PPCDC: variants seen among roughly 807,000 people sequenced by gnomAD.
The protein encoded by PPCDC is phosphopantothenoylcysteine decarboxylase.
Under a neutral mutation model 20.7 loss-of-function variants are expected in PPCDC, and 20 were observed. The observed-to-expected ratio is 0.97, with a 90% CI of 0.68 to 1.41. PPCDC has a LOEUF of 1.41. PPCDC is among the 40% of genes most tolerant of loss of function. The pLI is 0.00. For missense variants in PPCDC, 246 were observed against 263.8 expected (o/e 0.93, Z 0.47); for synonymous variants, 88 against 100.3 (o/e 0.88, Z 0.73).
rs748331709 is a variant in PPCDC, at chr15:75,049,101, G to T, written c.530-49G>T. 1.1e-5 allele frequency: 16 copies of T among 1,522,580 alleles called. No homozygotes were observed. The African/African-American group carries it at 1.9e-4, about 18-fold the overall frequency. The allele number at this position is 1,522,580 out of a possible 1,614,324, so 94.3% of individuals were successfully genotyped here. A position where few individuals can be genotyped will look rare whatever the true frequency, so the allele number is the denominator to read the frequency against. ...GGAGCAATGGGCAGGGGTCTGCAGG[G>T]CTACAGGCACTGTTGGCCTGTCTGG... On this transcript the variant is annotated intron_variant, in intron 5 of 5. Transcript: ENST00000342932.
chr15:75,045,335 C>T (rs999613343), intron 4 of PPCDC, among the ~76,000 whole-genome samples: 2 of 152,184 alleles, frequency 1.3e-5, no homozygotes, highest in Non-Finnish European at 1.5e-5. Flanking sequence ...TCACCCATGC[C>T]GTTGGGAAGG....
chr15:75,024,464 C>T (rs894062657), intron 1 of PPCDC, among the ~76,000 whole-genome samples: 3 of 151,810 alleles, frequency 2.0e-5, no homozygotes, highest in Non-Finnish European at 2.9e-5. Flanking sequence ...CCTCCTGCCT[C>T]AGCCTCCTGT....
chr15:75,048,469 G>T, intron 4 of PPCDC, 84 bp from the exon 5 acceptor site: 1 of 1,535,716 alleles, frequency 6.5e-7, no homozygotes, highest in Admixed American at 1.9e-5. Flanking sequence ...CTACAGCTGG[G>T]CTGCTGGCTG....
At chr15:75,028,205 C>T (rs915824187) in intron 1 of PPCDC, 42 bp from the exon 2 acceptor site, 155 of 1,379,146 alleles carry the variant, frequency 1.1e-4, no homozygotes, top group Middle Eastern at 2.0e-4. Context: ...ACATTCTGGT[C>T]GACTGTATGA....
Position 75,046,522 on chromosome 15 carries a change from C to A in PPCDC, c.360+2008C>A, listed in dbSNP as rs1595914071. ...TCACTTCATGAAATCCCTGGGCTTC[C>A]CTCCTCCAGAGTTGGCTGGGAAGTG... On this transcript the variant is annotated intron_variant, in intron 4 of 5. Transcript: ENST00000342932. Among the ~76,000 whole-genome samples the A allele has an allele frequency of 2.0e-5, 3 of 152,398 alleles. No homozygotes were observed. In the South Asian group the frequency reaches 6.2e-4, roughly 32 times the overall value.
intron 4 of PPCDC, among the ~76,000 whole-genome samples, chr15:75,045,348 G>A (rs1053977768): frequency 5.9e-4 from 90 of 152,342 alleles, no homozygotes; most frequent in African/African-American, 2.0e-3. Flanking sequence ...TGGGAAGGGA[G>A]TATCCTCTGG....
chr15:75,025,966 G>A (rs917868755), intron 1 of PPCDC, among the ~76,000 whole-genome samples: 4 of 152,134 alleles, frequency 2.6e-5, no homozygotes, highest in Admixed American at 2.6e-4. Flanking sequence ...TTTTAGGAAG[G>A]TAGGTAGGTT....
chr15:75,028,275 C>T lies in PPCDC; in HGVS notation c.-44C>T, dbSNP rs1239165402. On this transcript the variant is annotated 5_prime_UTR_variant, in exon 2 of 6. Transcript: ENST00000342932. ...CTAAATCCCGACAGCTTTATAGAGCCCAGGCCTGGCAGGCTCCCAGAACTT... is the reference window on the plus strand; with the variant it reads ...CTAAATCCCGACAGCTTTATAGAGCTCAGGCCTGGCAGGCTCCCAGAACTT... 1.2e-6 allele frequency: 2 copies of T among 1,607,856 alleles called. No homozygotes were observed.
intron 2 of PPCDC, among the ~76,000 whole-genome samples, chr15:75,042,626 C>T (rs1477677195): frequency 6.9e-6 from 1 of 145,560 alleles, no homozygotes; most frequent in Admixed American, 7.0e-5. Context: ...GCACTCCAGC[C>T]TGGGCGACAA....
chr15:75,048,915 T>C (rs548748548), intron 5 of PPCDC, among the ~76,000 whole-genome samples, 194 bp downstream of exon 5: 1 of 152,318 alleles, frequency 6.6e-6, no homozygotes, highest in East Asian at 1.9e-4. Context: ...ATGTGTAAAG[T>C]ACCTGGTAGA....
chr15:75,027,822 G>T (rs1229527895), intron 1 of PPCDC, among the ~76,000 whole-genome samples: 4 of 152,204 alleles, frequency 2.6e-5, no homozygotes, highest in Admixed American at 2.0e-4. Flanking sequence ...CCCCATCACA[G>T]TCCGGCCTCA....
At chr15:75,028,846 A>G (rs2065988495) in intron 2 of PPCDC, among the ~76,000 whole-genome samples, 3 of 152,056 alleles carry the variant, frequency 2.0e-5, no homozygotes, top group Admixed American at 2.0e-4. Context: ...TCCGCCTTGA[A>G]CACTGCGGCT....
intron 2 of PPCDC, among the ~76,000 whole-genome samples, chr15:75,043,054 C>A (rs1190073386): frequency 6.6e-6 from 1 of 152,238 alleles, no homozygotes; most frequent in Non-Finnish European, 1.5e-5. Flanking sequence ...TATGAGCCTC[C>A]TTGGGTGGCC....
chr15:75,047,538 T>A (rs1396962151), intron 4 of PPCDC, among the ~76,000 whole-genome samples: 1 of 152,134 alleles, frequency 6.6e-6, no homozygotes, highest in Non-Finnish European at 1.5e-5. Context: ...GGAAGAGGTG[T>A]CTGGAGTAGT....
In PPCDC at chr15:75,049,460, T is replaced by C. The variant is rs532177422; in HGVS notation, c.*225T>C. The C allele has an allele frequency of 1.9e-5, 10 of 540,322 alleles. No homozygotes were observed. The highest frequency in any genetic ancestry group is 3.0e-5 in the Non-Finnish European group (9 of 301,212). 33.5% of individuals were successfully genotyped at this position (540,322 alleles called of 1,614,324 possible). A position where few individuals can be genotyped will look rare whatever the true frequency, so the allele number is the denominator to read the frequency against. ...CCGCTGCCTAGAGCCCCTCCCCACC[T>C]TTTCCTGGATGGGTGAGGCAAGCCA... On this transcript the variant is annotated 3_prime_UTR_variant, in exon 6 of 6. Transcript: ENST00000342932.
At chr15:75,049,092 G>A in intron 5 of PPCDC, 58 bp from the exon 6 acceptor site, 8 of 1,480,584 alleles carry the variant, frequency 5.4e-6, no homozygotes, top group Non-Finnish European at 7.6e-6. Context: ...ATGGGCAGGG[G>A]TCTGCAGGGC....
chr15:75,030,713 G>A (rs941371605), intron 2 of PPCDC, among the ~76,000 whole-genome samples: 2 of 152,174 alleles, frequency 1.3e-5, no homozygotes, highest in East Asian at 1.9e-4. Context: ...CTGCTGAGTC[G>A]TGGGTTCAGG....
chr15:75,043,909 C>T (rs750956884), intron 3 of PPCDC, among the ~76,000 whole-genome samples: 12 of 152,198 alleles, frequency 7.9e-5, no homozygotes, highest in Non-Finnish European at 1.5e-4. Flanking sequence ...CTGCATCTCC[C>T]CTGCGGATGG....
chr15:75,040,448 A>T (rs2066138868), intron 2 of PPCDC, among the ~76,000 whole-genome samples: 1 of 152,158 alleles, frequency 6.6e-6, no homozygotes. Context: ...ACCTTATTTA[A>T]CTAAAAGCTT....
Sources: gnomAD v4.1 joint callset for allele counts (sites outside exome capture counted in the v4.1 genomes callset) on GRCh38, gnomAD v4.1.1 for gene constraint, MANE v1.5 for transcripts, NCBI Gene and HGNC (gene_info 2026-07-23, HGNC 2026-07-21) for gene names.